SCFD2: variants seen among roughly 807,000 people sequenced by gnomAD.
The protein encoded by SCFD2 is sec1 family domain containing 2, also known as sec1 family domain-containing protein 2.
Under a neutral mutation model 58.9 loss-of-function variants are expected in SCFD2, and 54 were observed. The ratio of observed to expected loss-of-function variants is 0.92; its 90% CI spans 0.74 to 1.15. The LOEUF is 1.15. Among genes scored for constraint, SCFD2 ranks in the 50% most tolerant of loss-of-function variants. The probability of loss-of-function intolerance (pLI) is 0.00; values close to 1 mark genes in which losing one functional copy is unlikely to be tolerated. For missense variants in SCFD2, 805 were observed against 836.6 expected (o/e 0.96, Z 0.47); for synonymous variants, 321 against 335.9 (o/e 0.96, Z 0.49).
chr4:52,880,467 A>G (rs930178106), intron 8 of SCFD2, among the ~76,000 whole-genome samples: 5 of 151,756 alleles, frequency 3.3e-5, no homozygotes, highest in Non-Finnish European at 5.9e-5. Flanking sequence ...AATACAAAAA[A>G]TTAACCAGGA....
At chr4:53,063,317 AC>A (rs1278671844) in intron 5 of SCFD2, among the ~76,000 whole-genome samples, 5 of 152,150 alleles carry the variant, frequency 3.3e-5, no homozygotes, top group African/African-American at 1.2e-4. Context: ...AATTTTAAAA[AC>A]CCATAATAAT....
chr4:53,273,696 T>C (rs982781081), intron 4 of SCFD2, 130 bp downstream of exon 4: 3 of 814,960 alleles, frequency 3.7e-6, no homozygotes, highest in African/African-American at 3.5e-5. Context: ...AGGGGGCACT[T>C]AGAGAATATG....
At chr4:52,937,401 G>T (rs1577841367) in intron 5 of SCFD2, among the ~76,000 whole-genome samples, 1 of 152,154 alleles carries the variant, frequency 6.6e-6, no homozygotes, top group East Asian at 1.9e-4. Context: ...GGAAAGGAAG[G>T]CACATTCACA....
chr4:53,123,584 T>C (rs1196230545), intron 5 of SCFD2, among the ~76,000 whole-genome samples: 2 of 151,798 alleles, frequency 1.3e-5, no homozygotes, highest in African/African-American at 4.8e-5. Flanking sequence ...TGTGTGCCTA[T>C]AAGAGGTGAT....
At chr4:52,903,290 G>A (rs556767818) in intron 7 of SCFD2, among the ~76,000 whole-genome samples, 3 of 152,244 alleles carry the variant, frequency 2.0e-5, no homozygotes, top group African/African-American at 7.2e-5. Flanking sequence ...AGAGCGAGTG[G>A]GCTGCTGCTT....
intron 5 of SCFD2, among the ~76,000 whole-genome samples, chr4:53,067,575 T>C (rs540538240): frequency 6.6e-6 from 1 of 152,034 alleles, no homozygotes; most frequent in Non-Finnish European, 1.5e-5. Context: ...GGATAGTGAG[T>C]AATTTCTCAT....
chr4:53,258,998 T>C (rs773802277), intron 4 of SCFD2, among the ~76,000 whole-genome samples: 1 of 152,216 alleles, frequency 6.6e-6, no homozygotes, highest in Non-Finnish European at 1.5e-5. Flanking sequence ...TTTTTCCATA[T>C]GCTTGTCAGC....
chr4:53,080,357 C>CT (rs1451726075), intron 5 of SCFD2, among the ~76,000 whole-genome samples: 1 of 152,162 alleles, frequency 6.6e-6, no homozygotes, highest in Admixed American at 6.6e-5. Flanking sequence ...TTGGGCAAAA[C>CT]TTTAACTTTG....
intron 5 of SCFD2, among the ~76,000 whole-genome samples, chr4:52,927,735 G>A (rs997098366): frequency 1.3e-5 from 2 of 151,920 alleles, no homozygotes; most frequent in Non-Finnish European, 2.9e-5. Context: ...AAGAGCAGGT[G>A]TGCACAGGAC....
At chr4:53,364,633 C>G (rs1734641252) in intron 1 of SCFD2, among the ~76,000 whole-genome samples, 1 of 152,178 alleles carries the variant, frequency 6.6e-6, no homozygotes. Context: ...CTTTTGAACA[C>G]TCATTTCCTA....
intron 2 of SCFD2, among the ~76,000 whole-genome samples, chr4:53,330,606 G>A (rs1733416449): frequency 6.6e-6 from 1 of 152,008 alleles, no homozygotes; most frequent in South Asian, 2.1e-4. Context: ...CGCTAAACAT[G>A]GAAAGGAACA....
chr4:53,142,916 T>C (rs1236341169), intron 5 of SCFD2, among the ~76,000 whole-genome samples: 3 of 152,210 alleles, frequency 2.0e-5, no homozygotes, highest in African/African-American at 7.2e-5. Context: ...TTACCCTGTT[T>C]AAAGTGTATA....
At chr4:52,929,692 C>T (rs1719944165) in intron 5 of SCFD2, among the ~76,000 whole-genome samples, 1 of 152,182 alleles carries the variant, frequency 6.6e-6, no homozygotes, top group Non-Finnish European at 1.5e-5. Flanking sequence ...AAGCGGGAAT[C>T]CTGTTAGGGA....
At chr4:52,956,024 C>A (rs2109535468) in intron 5 of SCFD2, 1 of 456,506 alleles carries the variant, frequency 2.2e-6, no homozygotes, top group African/African-American at 2.0e-5. Context: ...CACTGTGGGA[C>A]TTCAGATTTG....
At chr4:53,180,908 A>G (rs568058006) in intron 4 of SCFD2, among the ~76,000 whole-genome samples, 17 of 152,326 alleles carry the variant, frequency 1.1e-4, no homozygotes, top group African/African-American at 4.8e-5. Context: ...ATCTAGAAGA[A>G]ATGGATAAAT....
At chr4:53,195,093 T>G (rs1728022139) in intron 4 of SCFD2, among the ~76,000 whole-genome samples, 1 of 152,176 alleles carries the variant, frequency 6.6e-6, no homozygotes, top group Non-Finnish European at 1.5e-5. Flanking sequence ...AATGGCTGGT[T>G]ACAAGGACCG....
chr4:53,129,964 G>A (rs750855283), intron 5 of SCFD2, among the ~76,000 whole-genome samples: 4 of 152,082 alleles, frequency 2.6e-5, no homozygotes, highest in Non-Finnish European at 4.4e-5. Flanking sequence ...TTTTCTCTGG[G>A]TAGTGGGTTT....
chr4:53,072,555 C>A (rs574164422), intron 5 of SCFD2, among the ~76,000 whole-genome samples: 159 of 151,822 alleles, frequency 1.0e-3, no homozygotes, highest in African/African-American at 3.8e-3. Flanking sequence ...GGCAAAGAAC[C>A]CAGAGAATAA....
intron 4 of SCFD2, among the ~76,000 whole-genome samples, chr4:53,145,939 A>C (rs1413527779): frequency 6.6e-6 from 1 of 152,238 alleles, no homozygotes; most frequent in Non-Finnish European, 1.5e-5. Context: ...ATTTAACAAA[A>C]AAACAAAAAT....
Sources: allele counts gnomAD v4.1 joint callset (sites outside exome capture counted in the v4.1 genomes callset), GRCh38; gene constraint gnomAD v4.1.1; transcripts MANE v1.5; gene names NCBI Gene and HGNC (gene_info 2026-07-23, HGNC 2026-07-21).